The following TMEM182 variants were observed in gnomAD, a reference collection of about 807,000 sequenced individuals.
The protein encoded by TMEM182 is transmembrane protein 182.
Under a neutral mutation model 26.8 loss-of-function variants are expected in TMEM182, and 20 were observed. The ratio of observed to expected loss-of-function variants is 0.75; its 90% confidence interval spans 0.53 to 1.09. The LOEUF (loss-of-function observed/expected upper bound fraction) is 1.09. TMEM182 is among the 50% of genes least tolerant of loss of function. The probability of loss-of-function intolerance (pLI) is 0.00; values close to 1 mark genes in which losing one functional copy is unlikely to be tolerated. For missense variants in TMEM182, 277 were observed against 275.5 expected (o/e 1.01, Z -0.04); for synonymous variants, 109 against 102.2 (o/e 1.07, Z -0.40).
At chr2:102,770,346 A>G (rs1680621440) in intron 3 of TMEM182, among the ~76,000 whole-genome samples, 1 of 152,170 alleles carries the variant, frequency 6.6e-6, no homozygotes. Flanking sequence ...GCTCAGCTAC[A>G]GACACCCATT....
intron 4 of TMEM182, among the ~76,000 whole-genome samples, chr2:102,802,187 C>A (rs1193435755): frequency 6.6e-6 from 1 of 152,194 alleles, no homozygotes; most frequent in East Asian, 1.9e-4. Context: ...TTTTCTATGA[C>A]CATTGCTGGG....
At chr2:102,761,634 A>C (rs1395196972), upstream of TMEM182, among the ~76,000 whole-genome samples, 1 of 152,246 alleles carries the variant, frequency 6.6e-6, no homozygotes, top group Non-Finnish European at 1.5e-5. Flanking sequence ...AAAAAAGTCC[A>C]AAAGGAATTA....
intron 3 of TMEM182, among the ~76,000 whole-genome samples, chr2:102,826,936 T>C (rs1683043024): frequency 6.6e-6 from 1 of 152,234 alleles, no homozygotes; most frequent in African/African-American, 2.4e-5. Context: ...ATTAGTGCCT[T>C]TTTAAAGTGA....
At chr2:102,745,403 T>C (rs921039046) in intron 1 of TMEM182, among the ~76,000 whole-genome samples, 1 of 152,112 alleles carries the variant, frequency 6.6e-6, no homozygotes, top group African/African-American at 2.4e-5. Context: ...AGCTTCAACA[T>C]AGGAGTCATA....
intron 3 of TMEM182, among the ~76,000 whole-genome samples, chr2:102,770,352 C>G (rs1432827029): frequency 6.6e-6 from 1 of 152,154 alleles, no homozygotes; most frequent in Admixed American, 6.5e-5. Flanking sequence ...CTACAGACAC[C>G]CATTAAAGTC....
In TMEM182 at chr2:102,743,864, G is replaced by GA. The variant is rs556952073; in HGVS notation, c.-83+6855dup. ...CAAAACAAAAAAAGAATAATGGGTAGAAAAGAGTACTGCATAACGATGAAA... is the reference window on the plus strand; with the variant it reads ...CAAAACAAAAAAAGAATAATGGGTAGAAAAAGAGTACTGCATAACGATGAAA... On this transcript the variant is annotated intron_variant, in intron 1 of 5. Transcript: ENST00000409173. Among the ~76,000 whole-genome samples the GA allele has an allele frequency of 4.4e-3, 672 of 152,236 alleles. 1 individual carries two copies. Among genetic ancestry groups the GA allele is most frequent in the African/African-American group, 0.015 (623 of 41,556 alleles).
At chr2:102,783,560 A>G (rs1231387703) in intron 3 of TMEM182, among the ~76,000 whole-genome samples, 1 of 152,178 alleles carries the variant, frequency 6.6e-6, no homozygotes, top group Admixed American at 6.5e-5. Context: ...CTCCATCCCT[A>G]GAAGAGCCAA....
intron 3 of TMEM182, among the ~76,000 whole-genome samples, chr2:102,793,313 C>G (rs1387323093): frequency 6.6e-6 from 1 of 152,150 alleles, no homozygotes; most frequent in Non-Finnish European, 1.5e-5. Flanking sequence ...GGAACATGGC[C>G]ACTACCTTTT....
intron 3 of TMEM182, among the ~76,000 whole-genome samples, chr2:102,768,293 A>G (rs1573509497): frequency 1.3e-5 from 2 of 152,280 alleles, no homozygotes; most frequent in East Asian, 3.9e-4. Flanking sequence ...GGGAGACTTC[A>G]TTATTACACT....
In TMEM182 at chr2:102,815,005, TA is replaced by T. The variant is rs1469658665; in HGVS notation, c.*41del. On this transcript the variant is annotated 3_prime_UTR_variant, in exon 5 of 5. Transcript: ENST00000412401. ...CCACAAGTATTTTCTTGAGAGATTT[TA>T]AAACAAGGAATACTTTTTTTCCATT... 1.2e-6 allele frequency: 2 copies of T among 1,607,364 alleles called. No homozygotes were observed. Among genetic ancestry groups the T allele is most frequent in the African/African-American group, 2.7e-5 (2 of 74,528 alleles).
intron 3 of TMEM182, among the ~76,000 whole-genome samples, chr2:102,784,794 A>G (rs1423915489): frequency 6.6e-6 from 1 of 152,156 alleles, no homozygotes; most frequent in Non-Finnish European, 1.5e-5. Context: ...TTAAACTGTC[A>G]TGGTGCTGGT....
At chr2:102,808,475 C>T (rs1455993192) in intron 4 of TMEM182, among the ~76,000 whole-genome samples, 1 of 152,094 alleles carries the variant, frequency 6.6e-6, no homozygotes, top group African/African-American at 2.4e-5. Context: ...ACTTCAGGTG[C>T]CTGCCGTAGC....
intron 1 of TMEM182, among the ~76,000 whole-genome samples, chr2:102,742,056 C>A (rs1455472817): frequency 6.6e-6 from 1 of 152,162 alleles, no homozygotes; most frequent in Non-Finnish European, 1.5e-5. Flanking sequence ...GAACTAGACT[C>A]AGATATGACA....
intron 3 of TMEM182, among the ~76,000 whole-genome samples, chr2:102,787,009 T>C (rs1681423242): frequency 6.6e-6 from 1 of 152,192 alleles, no homozygotes; most frequent in South Asian, 2.1e-4. Context: ...AACTGAGGCA[T>C]GGAGAAGCCA....
chr2:102,781,550 A>G (rs1681166889), intron 3 of TMEM182, among the ~76,000 whole-genome samples: 1 of 152,164 alleles, frequency 6.6e-6, no homozygotes, highest in African/African-American at 2.4e-5. Context: ...AAGGGAGATC[A>G]GTCCAAGGAC....
chr2:102,838,243 T>C (rs987322647), intron 3 of TMEM182, among the ~76,000 whole-genome samples: 2 of 152,234 alleles, frequency 1.3e-5, no homozygotes, highest in Non-Finnish European at 2.9e-5. Flanking sequence ...ACTTAAGGTC[T>C]AACTTAGTTG....
chr2:102,794,411 T>C (rs1681780496), intron 3 of TMEM182, among the ~76,000 whole-genome samples: 2 of 152,246 alleles, frequency 1.3e-5, no homozygotes, highest in African/African-American at 4.8e-5. Context: ...TCTTCCTCTG[T>C]TTCTGAAGTT....
intron 1 of TMEM182, among the ~76,000 whole-genome samples, chr2:102,746,272 T>C (rs1381378022): frequency 6.6e-6 from 1 of 152,030 alleles, no homozygotes; most frequent in African/African-American, 2.4e-5. Context: ...TTTTCCTGTT[T>C]TTTAATTGCG....
chr2:102,744,586 A>G (rs1273765527), intron 1 of TMEM182, among the ~76,000 whole-genome samples: 1 of 152,152 alleles, frequency 6.6e-6, no homozygotes, highest in Non-Finnish European at 1.5e-5. Context: ...CGTTTCTTAT[A>G]GAGCAGATCT....
Sources: allele counts gnomAD v4.1 joint callset (sites outside exome capture counted in the v4.1 genomes callset), GRCh38; gene constraint gnomAD v4.1.1; transcripts MANE v1.5; gene names NCBI Gene and HGNC (gene_info 2026-07-23, HGNC 2026-07-21).